Variants in ADAM23 observed in about 807,000 individuals in gnomAD.
The protein encoded by ADAM23 is ADAM metallopeptidase domain 23, also known as disintegrin and metalloproteinase domain-containing protein 23.
Under a neutral mutation model 120.1 loss-of-function variants are expected in ADAM23, and 33 were observed. The ratio of observed to expected loss-of-function variants is 0.27; its 90% CI spans 0.21 to 0.37. The LOEUF is 0.37. Ranked by LOEUF, ADAM23 falls within the 10% of genes least tolerant of loss-of-function variation. The pLI is 1.00. For missense variants in ADAM23, 862 were observed against 1,058.2 expected, an observed-to-expected ratio of 0.81 and a Z score of 2.57; for synonymous variants, 367 against 375.2, an observed-to-expected ratio of 0.98 and a Z score of 0.25.
chr2:206,549,601 C>T (rs1235718365), intron 8 of ADAM23, among the ~76,000 whole-genome samples: 1 of 151,806 alleles, frequency 6.6e-6, no homozygotes, highest in African/African-American at 2.4e-5. Flanking sequence ...GAATTTCACT[C>T]GAGTGAGTTA....
intron 2 of ADAM23, among the ~76,000 whole-genome samples, chr2:206,472,308 T>G (rs1662438973): frequency 6.6e-6 from 1 of 152,154 alleles, no homozygotes; most frequent in African/African-American, 2.4e-5. Context: ...GTCCATCTTT[T>G]GCATATTTAA....
intron 15 of ADAM23, 75 bp downstream of exon 15, chr2:206,567,397 C>A: frequency 1.7e-6 from 2 of 1,171,486 alleles, no homozygotes; most frequent in Non-Finnish European, 2.4e-6. Context: ...TGCTGGATAT[C>A]AGACGCCTGT....
intron 18 of ADAM23, among the ~76,000 whole-genome samples, 160 bp downstream of exon 18, chr2:206,573,355 T>C (rs1033642415): frequency 4.6e-5 from 7 of 152,218 alleles, no homozygotes; most frequent in African/African-American, 1.7e-4. Flanking sequence ...GACTCAAGTC[T>C]GACCATGAAA....
chr2:206,466,982 C>T (rs1441972607), intron 2 of ADAM23, among the ~76,000 whole-genome samples: 2 of 147,834 alleles, frequency 1.4e-5, no homozygotes, highest in East Asian at 4.0e-4. Flanking sequence ...ACAACCAGCT[C>T]TCATGAGAAC....
intron 2 of ADAM23, among the ~76,000 whole-genome samples, chr2:206,476,059 T>A (rs1479617501): frequency 6.6e-6 from 1 of 152,208 alleles, no homozygotes; most frequent in Non-Finnish European, 1.5e-5. Context: ...AAGACAGGCA[T>A]CTGCTTACTG....
intron 9 of ADAM23, among the ~76,000 whole-genome samples, chr2:206,556,360 C>T (rs532151355): frequency 3.3e-5 from 5 of 151,890 alleles, no homozygotes; most frequent in African/African-American, 9.7e-5. Flanking sequence ...ATATAGGGTG[C>T]GAATGGGCAA....
chr2:206,583,428 T>C (rs1419687351), intron 18 of ADAM23, among the ~76,000 whole-genome samples: 2 of 148,764 alleles, frequency 1.3e-5, no homozygotes, highest in African/African-American at 5.0e-5. Flanking sequence ...CACTCTGGCC[T>C]GGGCGAAAGA....
intron 4 of ADAM23, among the ~76,000 whole-genome samples, chr2:206,532,907 T>C (rs1697097177): frequency 6.6e-6 from 1 of 152,130 alleles, no homozygotes; most frequent in African/African-American, 2.4e-5. Context: ...GAATTAATTC[T>C]GAGAAAGGAA....
At chr2:206,550,977 T>C (rs1559260170) in intron 9 of ADAM23, among the ~76,000 whole-genome samples, 1 of 152,204 alleles carries the variant, frequency 6.6e-6, no homozygotes, top group East Asian at 1.9e-4. Context: ...ATTGAATATG[T>C]CATTTCAGTA....
At chr2:206,609,382 G>T (rs1191252930) in intron 24 of ADAM23, among the ~76,000 whole-genome samples, 1 of 152,210 alleles carries the variant, frequency 6.6e-6, no homozygotes, top group African/African-American at 2.4e-5. Flanking sequence ...TCAAAAGTCA[G>T]ATCTGTATTG....
At position 206,571,771 on chromosome 2, in the gene ADAM23, G is replaced by A; in HGVS notation, c.1611G>A (p.Gly537=). The A allele has an allele frequency of 6.2e-7, 1 of 1,614,084 alleles. No individual in the cohort carries two copies. The highest frequency in any genetic ancestry group is 1.3e-5 in the African/African-American group (1 of 75,018). ...LCCKKCSLSN[G]AHCSDGPCCN... is the part of the protein sequence containing the mutation. ...GTAAGAAATGTTCCCTCTCCAACGG[G>A]GCTCACTGCAGCGACGGGCCCTGCT... The change falls in exon 17 of 26, where the codon GGG becomes GGA. Residue 537 remains glycine, a synonymous_variant. Coordinates refer to ENST00000264377, the MANE Select transcript of ADAM23 (RefSeq NM_003812.4).
At chr2:206,454,781 A>G (rs1262519412) in intron 2 of ADAM23, among the ~76,000 whole-genome samples, 2 of 152,224 alleles carry the variant, frequency 1.3e-5, no homozygotes, top group African/African-American at 2.4e-5. Flanking sequence ...GACAGTCACT[A>G]AATCTTAAAG....
chr2:206,494,399 T>C (rs1267654135), intron 3 of ADAM23, among the ~76,000 whole-genome samples: 1 of 152,214 alleles, frequency 6.6e-6, no homozygotes, highest in African/African-American at 2.4e-5. Context: ...GGTTTCTTTA[T>C]ATGATTGCTA....
chr2:206,543,950 A>C (rs970085433), intron 6 of ADAM23, among the ~76,000 whole-genome samples: 1 of 152,200 alleles, frequency 6.6e-6, no homozygotes, highest in Non-Finnish European at 1.5e-5. Flanking sequence ...AAGGCATAAG[A>C]ATGATACATT....
chr2:206,564,917 A>G (rs192436282), intron 13 of ADAM23, 103 bp from the exon 14 acceptor site: 1 of 1,241,614 alleles, frequency 8.1e-7, no homozygotes, highest in Admixed American at 1.8e-5. Context: ...ACTGACATGG[A>G]ATTGGTAATA....
chr2:206,481,402 C>A, intron 3 of ADAM23, 94 bp downstream of exon 3: 2 of 864,976 alleles, frequency 2.3e-6, no homozygotes, highest in Non-Finnish European at 3.4e-6. Context: ...TGTTGTTTAA[C>A]AACTATTTTC....
intron 2 of ADAM23, among the ~76,000 whole-genome samples, chr2:206,453,569 G>T (rs894919257): frequency 6.6e-6 from 1 of 152,062 alleles, no homozygotes; most frequent in Non-Finnish European, 1.5e-5. Context: ...TTTTACAAGG[G>T]AGTCTTTGTA....
intron 10 of ADAM23, among the ~76,000 whole-genome samples, chr2:206,558,113 T>C (rs1379573467): frequency 2.6e-5 from 4 of 152,180 alleles, no homozygotes; most frequent in Non-Finnish European, 5.9e-5. Flanking sequence ...TCCTCACTTA[T>C]TTTGTGAATT....
At chr2:206,571,400 G>A (rs1697996093) in intron 16 of ADAM23, among the ~76,000 whole-genome samples, 1 of 152,148 alleles carries the variant, frequency 6.6e-6, no homozygotes, top group African/African-American at 2.4e-5. Context: ...GCATGAACCC[G>A]GGAGGCGGAG....
Sources: allele counts gnomAD v4.1 joint callset (sites outside exome capture counted in the v4.1 genomes callset), GRCh38; gene constraint gnomAD v4.1.1; transcripts MANE v1.5; gene names NCBI Gene and HGNC (gene_info 2026-07-23, HGNC 2026-07-21).